Variants in THAP4 observed in about 807,000 individuals in gnomAD.
THAP4 encodes THAP domain containing 4.
Under a neutral mutation model 48.1 loss-of-function variants are expected in THAP4, and 18 were observed. The ratio of observed to expected loss-of-function variants is 0.37; its 90% confidence interval spans 0.26 to 0.56. THAP4 has a LOEUF of 0.56. THAP4 is among the 20% of genes least tolerant of loss of function. The pLI is 0.78. For missense variants in THAP4, 656 were observed against 774.9 expected (o/e 0.85, Z 1.82); for synonymous variants, 345 against 324.9 (o/e 1.06, Z -0.66).
intron 5 of THAP4, among the ~76,000 whole-genome samples, chr2:241,587,312 C>T (rs913899390): frequency 2.6e-5 from 4 of 152,150 alleles, no homozygotes; most frequent in African/African-American, 9.7e-5. Flanking sequence ...CACTCTTCCT[C>T]CCCCGTCCTT....
chr2:241,588,628 C>T (rs2066919650), intron 5 of THAP4, among the ~76,000 whole-genome samples: 2 of 152,178 alleles, frequency 1.3e-5, no homozygotes, highest in South Asian at 4.1e-4. Flanking sequence ...GAACCACACA[C>T]ACAAAGTGAG....
chr2:241,599,595 A>C (rs1363261816), intron 5 of THAP4, among the ~76,000 whole-genome samples: 4 of 152,196 alleles, frequency 2.6e-5, no homozygotes, highest in African/African-American at 9.6e-5. Flanking sequence ...AACTATAAAG[A>C]AATAAAGCTT....
At chr2:241,615,714 A>T (rs2067331538) in intron 2 of THAP4, among the ~76,000 whole-genome samples, 1 of 152,226 alleles carries the variant, frequency 6.6e-6, no homozygotes, top group Non-Finnish European at 1.5e-5. Flanking sequence ...AGAGGGCTGG[A>T]GCCACACACA....
At chr2:241,587,369 C>T (rs2066907259) in intron 5 of THAP4, among the ~76,000 whole-genome samples, 1 of 152,204 alleles carries the variant, frequency 6.6e-6, no homozygotes, top group South Asian at 2.1e-4. Flanking sequence ...ATGTCACCAG[C>T]ACCTCCTCTC....
At chr2:241,596,653 G>T (rs36138515) in intron 5 of THAP4, among the ~76,000 whole-genome samples, 47,443 of 143,740 alleles carry the variant, frequency 0.33, 8,106 homozygotes, top group South Asian at 0.46. Flanking sequence ...AAAAATATAA[G>T]AAATTAGCCT....
chr2:241,590,208 G>A (rs895357354), intron 5 of THAP4, among the ~76,000 whole-genome samples: 14 of 145,784 alleles, frequency 9.6e-5, no homozygotes, highest in African/African-American at 3.3e-4. Context: ...AGGACACACA[G>A]AGCTGCTCGG....
At chr2:241,614,757 T>C (rs1048172922) in intron 2 of THAP4, among the ~76,000 whole-genome samples, 10 of 151,990 alleles carry the variant, frequency 6.6e-5, no homozygotes, top group African/African-American at 2.4e-4. Flanking sequence ...GGTGTGGTGG[T>C]GCATGCCTGT....
At position 241,616,948 on chromosome 2, in the gene THAP4, T is replaced by C. The variant is rs1015870142; in HGVS notation, c.1241-10475A>G. 3.9e-5 allele frequency among the ~76,000 whole-genome samples: 6 copies of C among 151,996 alleles called. No homozygotes were observed. The highest frequency in any genetic ancestry group is 1.4e-4 in the African/African-American group (6 of 41,412). ...TACACTGCACCTCACCAGGTTAACC[T>C]GCTCCTGGGGCCGCTCCCCCTGCAC... is the stretch of plus-strand genomic sequence containing the variant. On this transcript the variant is annotated intron_variant, in intron 2 of 5. Transcript: ENST00000407315. This position sits in a 1 kb window ranked among gnomAD's most constrained non-coding sequence, Gnocchi z 4.6.
chr2:241,597,143 T>TC (rs1419183561), intron 5 of THAP4, among the ~76,000 whole-genome samples: 1 of 152,224 alleles, frequency 6.6e-6, no homozygotes, highest in South Asian at 2.1e-4. Context: ...ACTTCTTTTT[T>TC]CCCCAAGATG....
At chr2:241,585,916 AAAAAAAAAAAAAAG>A (rs1252557812) in intron 5 of THAP4, among the ~76,000 whole-genome samples, 4 of 145,130 alleles carry the variant, frequency 2.8e-5, no homozygotes, top group South Asian at 2.3e-4. Flanking sequence ...CCTTCTCAAA[AAAAAAAAAAAAAAG>A]AAAAAAAAAA....
At chr2:241,602,060 G>C (rs1252976521) in intron 4 of THAP4, 61 bp from the exon 5 acceptor site, 1 of 1,546,288 alleles carries the variant, frequency 6.5e-7, no homozygotes, top group African/African-American at 1.4e-5. Context: ...AGGCAGCCTT[G>C]ACTCTCCTTG....
In THAP4 at chr2:241,601,864, C is replaced by T. The variant is rs760385640; in HGVS notation, c.1614+32G>A. ...TCCACAGACCGCTGCAAACAGAAGA[C>T]AGGAGCGTGCTGGGAGCAGGGCTGG... On this transcript the variant is annotated intron_variant, in intron 5 of 5. Transcript: ENST00000407315. This position sits in a 1 kb window ranked among gnomAD's most constrained non-coding sequence, Gnocchi z 4.0. 23 of 1,612,478 alleles carry T rather than the reference C, an allele frequency of 1.4e-5. No individual in the cohort carries two copies. Among genetic ancestry groups the T allele is most frequent in the Non-Finnish European group, 1.9e-5 (23 of 1,179,594 alleles).
rs1276021822 is a variant in THAP4 at position 241,620,477 on chromosome 2, TGGTGAGTGAGG to T, written c.1240+12429_1240+12439del. Among the ~76,000 whole-genome samples the T allele has an allele frequency of 6.1e-5, 3 of 49,370 alleles. No individual in the cohort carries two copies. The East Asian group carries it at 1.9e-3, about 30-fold the overall frequency. 32.4% of individuals were successfully genotyped at this position (49,370 alleles called of 152,430 possible). On this transcript the variant is annotated intron_variant, in intron 2 of 5. Coordinates refer to ENST00000407315, the MANE Select transcript of THAP4 (RefSeq NM_015963.6). ...AGGGATGAGTGAGGGGTGAGTGAGTTGGTGAGTGAGGAGTGAGTGAGGGGTGAGTGAGGAGT... is the reference window on the plus strand; with the variant it reads ...AGGGATGAGTGAGGGGTGAGTGAGTTAGTGAGTGAGGGGTGAGTGAGGAGT...
At chr2:241,636,035 G>C (rs937441801) in intron 1 of THAP4, among the ~76,000 whole-genome samples, 3 of 151,992 alleles carry the variant, frequency 2.0e-5, no homozygotes, top group African/African-American at 7.3e-5. Context: ...ACGTTGCCTC[G>C]TTTTCAAAAA....
chr2:241,611,763 T>TG (rs1321856467), intron 2 of THAP4, among the ~76,000 whole-genome samples: 1 of 150,976 alleles, frequency 6.6e-6, no homozygotes, highest in Admixed American at 6.6e-5. Flanking sequence ...AAAGGCATGC[T>TG]GCTCCTGAAG....
intron 5 of THAP4, among the ~76,000 whole-genome samples, chr2:241,585,376 T>C (rs2066881065): frequency 1.6e-5 from 2 of 128,124 alleles, no homozygotes; most frequent in East Asian, 5.1e-4. Context: ...ATCTCTCTAG[T>C]GCCCCAGATG....
chr2:241,593,101 G>A (rs541229799), intron 5 of THAP4, among the ~76,000 whole-genome samples: 55 of 152,042 alleles, frequency 3.6e-4, no homozygotes, highest in Non-Finnish European at 7.6e-4. Context: ...AAAAATTAGC[G>A]GGGAGTGGTG....
intron 5 of THAP4, among the ~76,000 whole-genome samples, chr2:241,593,356 G>A (rs937561494): frequency 3.3e-5 from 5 of 152,228 alleles, no homozygotes; most frequent in Non-Finnish European, 7.3e-5. Flanking sequence ...GAGGCCTCCC[G>A]GGTGAGGACA....
intron 5 of THAP4, among the ~76,000 whole-genome samples, chr2:241,598,392 C>T (rs1033570870): frequency 6.6e-6 from 1 of 152,152 alleles, no homozygotes; most frequent in East Asian, 1.9e-4. Flanking sequence ...CTAAAAACAA[C>T]ATATCATGAC....
Sources: gnomAD v4.1 joint callset for allele counts (sites outside exome capture counted in the v4.1 genomes callset) on GRCh38, gnomAD v4.1.1 for gene constraint, Gnocchi (gnomAD v3.1) non-coding constraint, MANE v1.5 for transcripts, NCBI Gene and HGNC (gene_info 2026-07-23, HGNC 2026-07-21) for gene names.